LRRC63: variants seen among roughly 807,000 people sequenced by gnomAD.
LRRC63 encodes the protein leucine-rich repeat-containing protein 63.
A neutral mutation model predicts 49.5 loss-of-function variants in LRRC63; 40 were observed. The ratio of observed to expected loss-of-function variants is 0.81; its 90% CI spans 0.63 to 1.05. The LOEUF (loss-of-function observed/expected upper bound fraction) is 1.05. Ranked by LOEUF, LRRC63 falls within the 50% of genes least tolerant of loss-of-function variation. LRRC63 has a pLI of 0.00. For synonymous variants in LRRC63, 191 were observed against 221.1 expected, an observed-to-expected ratio of 0.86 and a Z score of 1.21; for missense variants, 636 against 663.1, an observed-to-expected ratio of 0.96 and a Z score of 0.45.
At chr13:46,215,209 A>G (rs1371614251) in intron 2 of LRRC63, among the ~76,000 whole-genome samples, 2 of 152,236 alleles carry the variant, frequency 1.3e-5, no homozygotes, top group African/African-American at 4.8e-5. Flanking sequence ...CAATGGTTGA[A>G]CTAATTTACA....
At chr13:46,246,267 C>G (rs2138504453) in intron 5 of LRRC63, among the ~76,000 whole-genome samples, 1 of 152,214 alleles carries the variant, frequency 6.6e-6, no homozygotes, top group Non-Finnish European at 1.5e-5. Flanking sequence ...TATAAATTAC[C>G]CAGTGTCAGA....
chr13:46,254,708 A>G (rs796746547), intron 7 of LRRC63, among the ~76,000 whole-genome samples: 25 of 152,314 alleles, frequency 1.6e-4, no homozygotes, highest in African/African-American at 6.0e-4. Context: ...TGAGAGGAAC[A>G]GAAAAGAACA....
chr13:46,243,262 T>C (rs1391927979), intron 5 of LRRC63, among the ~76,000 whole-genome samples: 1 of 152,182 alleles, frequency 6.6e-6, no homozygotes. Flanking sequence ...TTGCCTATTA[T>C]AACATGTTTT....
chr13:46,238,971 G>A (rs1483341474), intron 5 of LRRC63, among the ~76,000 whole-genome samples: 2 of 152,198 alleles, frequency 1.3e-5, no homozygotes, highest in Non-Finnish European at 2.9e-5. Context: ...AGAATCTGTG[G>A]TACACAGCTA....
chr13:46,241,690 C>T (rs2047066918), intron 5 of LRRC63, among the ~76,000 whole-genome samples: 1 of 152,096 alleles, frequency 6.6e-6, no homozygotes, highest in African/African-American at 2.4e-5. Flanking sequence ...CAAAAGAAGA[C>T]ATACATGTGA....
intron 2 of LRRC63, among the ~76,000 whole-genome samples, chr13:46,222,641 A>C (rs1006499218): frequency 2.0e-5 from 3 of 152,054 alleles, no homozygotes; most frequent in Admixed American, 6.6e-5. Context: ...ACCATTGTGG[A>C]AGTCAGTGTG....
exon 9 of LRRC63, chr13:46,266,965 C>T (rs761223378): frequency 3.9e-6 from 6 of 1,529,514 alleles, no homozygotes; most frequent in Non-Finnish European, 4.4e-6. Context: ...TCAGAAGTTA[C>T]TAAAATGGTG....
At chr13:46,216,411 C>G (rs998568420) in intron 2 of LRRC63, among the ~76,000 whole-genome samples, 1 of 152,150 alleles carries the variant, frequency 6.6e-6, no homozygotes, top group Admixed American at 6.5e-5. Context: ...TGATGTGGCT[C>G]TCTGTTTGTC....
At position 46,252,740 on chromosome 13, in the gene LRRC63, T is replaced by A. The variant is rs189590538; in HGVS notation, c.1226+2249T>A. ...ATAGTTGGGCCAATGATAGGGTGGA[T>A]ATTTCTTCAATGAAAAGTTACAACG... On this transcript the variant is annotated intron_variant, in intron 7 of 9. Transcript: ENST00000595396. 4.0e-3 allele frequency among the ~76,000 whole-genome samples: 616 copies of A among 152,180 alleles called. 2 individuals carry two copies. The highest frequency in any genetic ancestry group is 6.8e-3 in the Non-Finnish European group (463 of 67,968).
chr13:46,257,404 A>G (rs893473847), intron 7 of LRRC63, among the ~76,000 whole-genome samples: 4 of 152,214 alleles, frequency 2.6e-5, no homozygotes, highest in Non-Finnish European at 4.4e-5. Flanking sequence ...GAGTTGTTGT[A>G]CGCCACTGTT....
At position 46,228,026 on chromosome 13, in the gene LRRC63, G is replaced by A. The variant is rs1358763136; in HGVS notation, c.600G>A (p.Val200=). The change falls in exon 3 of 10, where the codon GTG becomes GTA. Residue 200 remains valine (V), a synonymous_variant. Coordinates refer to ENST00000595396, the Ensembl canonical transcript of LRRC63. ...TCTCGAGAGACTTAAGTGCAACAGT[G>A]CCAAGCCCTCCACCTATGACTGTAT... The A allele has an allele frequency of 7.1e-6, 11 of 1,550,976 alleles. No homozygotes were observed. The Admixed American group carries it at 9.8e-5, about 14-fold the overall frequency.
intron 9 of LRRC63, among the ~76,000 whole-genome samples, chr13:46,269,906 C>CACATATATATAT (rs1555330078): frequency 1.4e-5 from 2 of 145,622 alleles, no homozygotes; most frequent in Non-Finnish European, 3.0e-5. Flanking sequence ...ACACTATATA[C>CACATATATATAT]ATATATATAT....
At chr13:46,264,312 T>C (rs1315832512) in intron 8 of LRRC63, among the ~76,000 whole-genome samples, 2 of 152,214 alleles carry the variant, frequency 1.3e-5, no homozygotes, top group African/African-American at 4.8e-5. Context: ...GTTTAAATAG[T>C]TCCTGTCCTT....
At chr13:46,234,067 C>T (rs1489858975) in intron 4 of LRRC63, 125 bp from the exon 5 acceptor site, 1 of 825,386 alleles carries the variant, frequency 1.2e-6, no homozygotes, top group Non-Finnish European at 1.8e-6. Context: ...GAATCCCTGC[C>T]AGAGGATGTG....
At chr13:46,229,749 C>T (rs1459832188) in intron 4 of LRRC63, among the ~76,000 whole-genome samples, 1 of 152,130 alleles carries the variant, frequency 6.6e-6, no homozygotes, top group African/African-American at 2.4e-5. Flanking sequence ...GAGACTCAGT[C>T]TGTGTTAGGC....
At chr13:46,239,931 G>C (rs1053122245) in intron 5 of LRRC63, among the ~76,000 whole-genome samples, 9 of 152,000 alleles carry the variant, frequency 5.9e-5, no homozygotes, top group African/African-American at 2.2e-4. Context: ...TGCAGAAAAG[G>C]CTTTTAATAA....
chr13:46,220,553 T>G (rs2046376293), intron 2 of LRRC63, among the ~76,000 whole-genome samples: 1 of 151,708 alleles, frequency 6.6e-6, no homozygotes, highest in Admixed American at 6.6e-5. Flanking sequence ...GGGGGTGGGA[T>G]CCACTGAGCT....
chr13:46,268,389 T>G (rs937316530), intron 9 of LRRC63, among the ~76,000 whole-genome samples: 3 of 152,156 alleles, frequency 2.0e-5, no homozygotes, highest in Admixed American at 1.3e-4. Flanking sequence ...GGAGTCATTA[T>G]TCAATGAGAT....
rs951258194 is a variant in LRRC63 at position 46,268,811 on chromosome 13, C to T, written c.1550+1839C>T. On this transcript the variant is annotated intron_variant, in intron 9 of 9. Coordinates refer to ENST00000595396, the Ensembl canonical transcript of LRRC63. The stretch of plus-strand genomic sequence containing the variant: ...AGCAGTTGGAAAATATGTAGGTAAA[C>T]AAACATGATCTCTATGAAATAACAA... Among the ~76,000 whole-genome samples the T allele has an allele frequency of 8.1e-5, 12 of 148,622 alleles. 1 individual carries two copies. Among genetic ancestry groups the T allele is most frequent in the African/African-American group, 2.9e-4 (11 of 38,256 alleles).
Sources: gnomAD v4.1 joint callset for allele counts (sites outside exome capture counted in the v4.1 genomes callset) on GRCh38, gnomAD v4.1.1 for gene constraint, MANE v1.5 for transcripts, NCBI Gene and HGNC (gene_info 2026-07-23, HGNC 2026-07-21) for gene names.